LRMDA: variants seen among roughly 807,000 people sequenced by gnomAD.
LRMDA encodes leucine rich melanocyte differentiation associated.
LRMDA carries 18 observed loss-of-function variants against 29.8 expected under a neutral mutation model. The ratio of observed to expected loss-of-function variants is 0.60; its 90% CI spans 0.42 to 0.90. The LOEUF (loss-of-function observed/expected upper bound fraction) is 0.90. Ranked by LOEUF, LRMDA falls within the 40% of genes least tolerant of loss-of-function variation. The pLI is 0.00. For missense variants in LRMDA, 273 were observed against 273.9 expected (o/e 1.00, Z 0.02); for synonymous variants, 125 against 109.4 (o/e 1.14, Z -0.89).
In LRMDA at chr10:75,582,420, C is replaced by A. The variant is rs372959228; in HGVS notation, c.131+143926C>A. Among the ~76,000 whole-genome samples the A allele has an allele frequency of 2.6e-4, 40 of 152,316 alleles. No individual in the cohort carries two copies. The South Asian group carries it at 5.8e-3, about 22-fold the overall frequency. Reference sequence around the variant, plus strand: ...TGAAACTGCCAAGGCTTATGGCTTGCGGCCTCTGAAGCAGTGGCCCAAGCT... The same window carrying A: ...TGAAACTGCCAAGGCTTATGGCTTGAGGCCTCTGAAGCAGTGGCCCAAGCT... On this transcript the variant is annotated intron_variant, in intron 2 of 6. Coordinates refer to ENST00000611255, the MANE Select transcript of LRMDA (RefSeq NM_001305581.2).
At chr10:76,197,139 G>T (rs1437771586) in intron 5 of LRMDA, among the ~76,000 whole-genome samples, 1 of 152,152 alleles carries the variant, frequency 6.6e-6, no homozygotes, top group Non-Finnish European at 1.5e-5. Flanking sequence ...GTCCTCATAT[G>T]ACATGGTTCC....
intron 2 of LRMDA, among the ~76,000 whole-genome samples, chr10:76,009,099 G>A (rs879643941): frequency 6.6e-6 from 1 of 152,202 alleles, no homozygotes; most frequent in Non-Finnish European, 1.5e-5. Flanking sequence ...GGACTGCACT[G>A]TCTGCAGGGA....
intron 5 of LRMDA, among the ~76,000 whole-genome samples, chr10:76,275,039 A>G (rs7090653): frequency 0.05 from 7,595 of 152,248 alleles, 490 homozygotes; most frequent in African/African-American, 0.15. Flanking sequence ...CTCCAGCCCT[A>G]ACTGGCTGGG....
At chr10:76,516,259 A>G (rs759584623) in intron 6 of LRMDA, among the ~76,000 whole-genome samples, 35 of 152,226 alleles carry the variant, frequency 2.3e-4, no homozygotes, top group Non-Finnish European at 4.0e-4. Context: ...AATTATCACA[A>G]TCAGAACATA....
chr10:76,520,522 A>AT (rs1250383289), intron 6 of LRMDA, among the ~76,000 whole-genome samples: 2 of 152,112 alleles, frequency 1.3e-5, no homozygotes, highest in Admixed American at 6.5e-5. Context: ...TCTCTGATAT[A>AT]TTTTTTTAAT....
intron 5 of LRMDA, among the ~76,000 whole-genome samples, chr10:76,161,751 G>A (rs979588617): frequency 6.6e-6 from 1 of 152,158 alleles, no homozygotes; most frequent in Non-Finnish European, 1.5e-5. Context: ...GGAGGATGAA[G>A]GGGAACAAGA....
intron 2 of LRMDA, among the ~76,000 whole-genome samples, chr10:75,672,414 G>A (rs1042746634): frequency 6.6e-6 from 1 of 151,342 alleles, no homozygotes; most frequent in Non-Finnish European, 1.5e-5. Context: ...TGAAGGCACT[G>A]GTTTTCTCGT....
intron 2 of LRMDA, among the ~76,000 whole-genome samples, chr10:75,897,642 G>C (rs1218034888): frequency 1.3e-5 from 2 of 152,126 alleles, no homozygotes; most frequent in East Asian, 3.9e-4. Context: ...AAATTTCTCA[G>C]TGGTTACATA....
chr10:75,719,127 A>G (rs1034042497), intron 2 of LRMDA, among the ~76,000 whole-genome samples: 2 of 152,242 alleles, frequency 1.3e-5, no homozygotes, highest in African/African-American at 2.4e-5. Context: ...CAATTGTGTA[A>G]TAGATGCATA....
At chr10:76,114,679 C>T (rs189879236) in intron 5 of LRMDA, among the ~76,000 whole-genome samples, 1 of 152,178 alleles carries the variant, frequency 6.6e-6, no homozygotes, top group Non-Finnish European at 1.5e-5. Context: ...TGCAGCTGAG[C>T]GTTGAGTGCC....
chr10:76,533,903 T>A (rs1192646355), intron 6 of LRMDA, among the ~76,000 whole-genome samples: 1 of 152,214 alleles, frequency 6.6e-6, no homozygotes, highest in Non-Finnish European at 1.5e-5. Flanking sequence ...TACTACATGC[T>A]GGGCACAGTG....
At chr10:75,539,024 C>T (rs1839985442) in intron 2 of LRMDA, among the ~76,000 whole-genome samples, 1 of 152,120 alleles carries the variant, frequency 6.6e-6, no homozygotes, top group Non-Finnish European at 1.5e-5. Context: ...TAGAGGATTT[C>T]CTGGCAGAAT....
chr10:75,788,943 C>T (rs1174363897), intron 2 of LRMDA, among the ~76,000 whole-genome samples: 14 of 152,256 alleles, frequency 9.2e-5, no homozygotes, highest in Non-Finnish European at 1.9e-4. Context: ...TGTTTCTGCA[C>T]ATGAACCAGC....
intron 2 of LRMDA, among the ~76,000 whole-genome samples, chr10:75,658,017 T>C (rs777736065): frequency 2.0e-5 from 3 of 152,026 alleles, no homozygotes; most frequent in Non-Finnish European, 2.9e-5. Context: ...TTTCCTTTCC[T>C]CCCCTTCTCT....
chr10:76,514,405 C>G (rs1215770225), intron 6 of LRMDA, among the ~76,000 whole-genome samples: 3 of 152,066 alleles, frequency 2.0e-5, no homozygotes, highest in Non-Finnish European at 1.5e-5. Context: ...ATCAATCACC[C>G]CCTCCCAAAA....
chr10:76,101,905 C>T (rs1443902979), intron 5 of LRMDA, among the ~76,000 whole-genome samples: 1 of 152,176 alleles, frequency 6.6e-6, no homozygotes, highest in Non-Finnish European at 1.5e-5. Flanking sequence ...TCTCCCATTT[C>T]CCACTCTTCC....
chr10:75,788,928 A>G (rs1843520540), intron 2 of LRMDA, among the ~76,000 whole-genome samples: 1 of 152,182 alleles, frequency 6.6e-6, no homozygotes, highest in African/African-American at 2.4e-5. Context: ...ATAGTTTTAC[A>G]TTTGTGTTTC....
intron 6 of LRMDA, among the ~76,000 whole-genome samples, chr10:76,526,919 A>G (rs968415583): frequency 2.0e-5 from 3 of 151,018 alleles, no homozygotes; most frequent in African/African-American, 4.9e-5. Context: ...AGCATGGCAC[A>G]TGTATACATA....
intron 2 of LRMDA, among the ~76,000 whole-genome samples, chr10:75,852,139 G>A (rs533773413): frequency 6.6e-6 from 1 of 152,348 alleles, no homozygotes; most frequent in South Asian, 2.1e-4. Context: ...AAGGCTGGCA[G>A]TAGGCCCTGA....
Sources: gnomAD v4.1 joint callset for allele counts (sites outside exome capture counted in the v4.1 genomes callset) on GRCh38, gnomAD v4.1.1 for gene constraint, MANE v1.5 for transcripts, NCBI Gene and HGNC (gene_info 2026-07-23, HGNC 2026-07-21) for gene names.